SLC4A10: variants seen among roughly 807,000 people sequenced by gnomAD.
SLC4A10 encodes the protein solute carrier family 4 member 10.
In SLC4A10, 42 loss-of-function variants were observed where a neutral mutation model predicts 137.7. The observed-to-expected ratio is 0.30, with a 90% confidence interval of 0.24 to 0.39. SLC4A10 has a LOEUF of 0.39. Ranked by LOEUF, SLC4A10 falls within the 10% of genes least tolerant of loss-of-function variation. The pLI is 1.00. For synonymous variants in SLC4A10, 474 were observed against 464.1 expected, an observed-to-expected ratio of 1.02 and a Z score of -0.27; for missense variants, 925 against 1,355.0, an observed-to-expected ratio of 0.68 and a Z score of 4.98.
At chr2:161,965,972 A>G (rs1697500864) in intron 23 of SLC4A10, among the ~76,000 whole-genome samples, 1 of 152,186 alleles carries the variant, frequency 6.6e-6, no homozygotes, top group Non-Finnish European at 1.5e-5. Flanking sequence ...ATAAATAGAA[A>G]TGAGATTGAA....
At chr2:161,701,960 A>C (rs1233543142) in intron 1 of SLC4A10, among the ~76,000 whole-genome samples, 2 of 151,938 alleles carry the variant, frequency 1.3e-5, no homozygotes, top group African/African-American at 4.8e-5. Flanking sequence ...AAGTAGAAAT[A>C]CAAAGTAGTA....
chr2:161,954,467 T>C (rs1695312320), intron 19 of SLC4A10, among the ~76,000 whole-genome samples: 1 of 152,198 alleles, frequency 6.6e-6, no homozygotes. Flanking sequence ...GCTCTGTCTT[T>C]ATTTGAGAAA....
rs973660534 is a variant in SLC4A10 at position 161,894,906 on chromosome 2, T to C, written c.1341+81T>C. On this transcript the variant is annotated intron_variant, in intron 11 of 26. Coordinates refer to ENST00000446997, the MANE Select transcript of SLC4A10 (RefSeq NM_001178015.2). Reference sequence around the variant, plus strand: ...CATGTTTTATTTTATTTTATTTATTTATTTATTTATTTTATTATTATTATA... The same window carrying C: ...CATGTTTTATTTTATTTTATTTATTCATTTATTTATTTTATTATTATTATA... 11 of 796,012 alleles carry C rather than the reference T, an allele frequency of 1.4e-5. No individual in the cohort carries two copies. The East Asian group carries it at 5.6e-4, about 40-fold the overall frequency. 49.3% of individuals were successfully genotyped at this position (796,012 alleles called of 1,614,324 possible).
intron 1 of SLC4A10, among the ~76,000 whole-genome samples, chr2:161,727,152 T>A (rs1484048855): frequency 6.6e-6 from 1 of 152,200 alleles, no homozygotes; most frequent in African/African-American, 2.4e-5. Flanking sequence ...ATGGATTCAG[T>A]GAGAAAGCTG....
chr2:161,803,739 A>G (rs2055618849), intron 2 of SLC4A10, among the ~76,000 whole-genome samples: 1 of 152,118 alleles, frequency 6.6e-6, no homozygotes, highest in Non-Finnish European at 1.5e-5. Flanking sequence ...TGTAGAGGAT[A>G]CGTTCTAAGA....
At chr2:161,823,379 A>C (rs1421351807) in intron 3 of SLC4A10, among the ~76,000 whole-genome samples, 1 of 152,222 alleles carries the variant, frequency 6.6e-6, no homozygotes, top group Non-Finnish European at 1.5e-5. Context: ...TATCCACTTA[A>C]AACACCTTGT....
intron 4 of SLC4A10, among the ~76,000 whole-genome samples, chr2:161,842,794 C>T (rs2125803296): frequency 6.6e-6 from 1 of 152,124 alleles, no homozygotes; most frequent in East Asian, 1.9e-4. Flanking sequence ...TATTTGGTGA[C>T]AGAAAGGGAA....
At chr2:161,850,609 A>T (rs1166430490) in intron 4 of SLC4A10, among the ~76,000 whole-genome samples, 1 of 152,120 alleles carries the variant, frequency 6.6e-6, no homozygotes, top group Non-Finnish European at 1.5e-5. Context: ...CCTTTTAAAA[A>T]ATTAGTATAG....
intron 16 of SLC4A10, among the ~76,000 whole-genome samples, chr2:161,946,678 G>A (rs1693868968): frequency 6.8e-6 from 1 of 147,578 alleles, no homozygotes; most frequent in East Asian, 1.9e-4. Context: ...TGTTTGAAAT[G>A]CTCAGTTTTT....
At chr2:161,911,398 G>A (rs892318750) in intron 15 of SLC4A10, among the ~76,000 whole-genome samples, 2 of 152,012 alleles carry the variant, frequency 1.3e-5, no homozygotes, top group African/African-American at 4.8e-5. Context: ...AGAAACTGGA[G>A]TGCAATTTAT....
At chr2:161,649,410 A>G (rs2036500573) in intron 1 of SLC4A10, among the ~76,000 whole-genome samples, 1 of 152,160 alleles carries the variant, frequency 6.6e-6, no homozygotes, top group Non-Finnish European at 1.5e-5. Flanking sequence ...ATATGTGACT[A>G]TTTTAAAAAT....
intron 7 of SLC4A10, among the ~76,000 whole-genome samples, chr2:161,873,073 A>G (rs1306507471): frequency 2.6e-5 from 4 of 152,118 alleles, no homozygotes; most frequent in Admixed American, 6.5e-5. Context: ...CTTTTCTTCT[A>G]TTTGTGGGAA....
At chr2:161,896,130 A>G (rs1559484301) in intron 11 of SLC4A10, among the ~76,000 whole-genome samples, 1 of 152,122 alleles carries the variant, frequency 6.6e-6, no homozygotes, top group Non-Finnish European at 1.5e-5. Context: ...CTTTCTACAT[A>G]TGGCTAGCCA....
At chr2:161,697,775 A>G (rs2042695607) in intron 1 of SLC4A10, among the ~76,000 whole-genome samples, 1 of 152,112 alleles carries the variant, frequency 6.6e-6, no homozygotes, top group Non-Finnish European at 1.5e-5. Flanking sequence ...TTTAGGATTG[A>G]CTTGGTGATG....
chr2:161,842,982 G>T (rs1487489594), intron 4 of SLC4A10, among the ~76,000 whole-genome samples: 4 of 152,146 alleles, frequency 2.6e-5, no homozygotes, highest in Non-Finnish European at 1.5e-5. Flanking sequence ...TGACTAGACA[G>T]CTCTGGTTAG....
At chr2:161,699,241 C>T (rs755830472) in intron 1 of SLC4A10, among the ~76,000 whole-genome samples, 54 of 152,086 alleles carry the variant, frequency 3.6e-4, no homozygotes, top group Non-Finnish European at 6.9e-4. Flanking sequence ...AAGATGGTCT[C>T]GATCTCCTGA....
intron 1 of SLC4A10, among the ~76,000 whole-genome samples, chr2:161,627,949 T>A (rs1454087497): frequency 3.9e-5 from 6 of 152,134 alleles, no homozygotes; most frequent in Non-Finnish European, 7.4e-5. Flanking sequence ...AGGACTCGAT[T>A]TAACTTTTTA....
intron 1 of SLC4A10, among the ~76,000 whole-genome samples, chr2:161,676,174 A>G (rs2040255574): frequency 6.6e-6 from 1 of 152,150 alleles, no homozygotes; most frequent in South Asian, 2.1e-4. Context: ...GCAGCCCATA[A>G]TCCACCAAAA....
chr2:161,917,592 A>AC (rs1389765139), intron 15 of SLC4A10, among the ~76,000 whole-genome samples: 88 of 151,314 alleles, frequency 5.8e-4, no homozygotes, highest in African/African-American at 2.1e-3. Flanking sequence ...AAAAAAAAAA[A>AC]GAAAGAAAGA....
Sources: allele counts gnomAD v4.1 joint callset (sites outside exome capture counted in the v4.1 genomes callset), GRCh38; gene constraint gnomAD v4.1.1; transcripts MANE v1.5; gene names NCBI Gene and HGNC (gene_info 2026-07-23, HGNC 2026-07-21).